The following SLC12A1 variants were observed in gnomAD, a reference collection of about 807,000 sequenced individuals.
SLC12A1 encodes the protein solute carrier family 12 member 1.
A neutral mutation model predicts 130.4 loss-of-function variants in SLC12A1; 89 were observed. The ratio of observed to expected loss-of-function variants is 0.68; its 90% CI spans 0.58 to 0.81. The LOEUF is 0.81. SLC12A1 is among the 40% of genes least tolerant of loss of function. The pLI is 0.00. For synonymous variants in SLC12A1, 499 were observed against 460.0 expected (o/e 1.08, Z -1.09); for missense variants, 1,310 against 1,336.4 (o/e 0.98, Z 0.31).
chr15:48,267,961 G>A (rs967889189), intron 18 of SLC12A1, among the ~76,000 whole-genome samples: 2 of 152,146 alleles, frequency 1.3e-5, no homozygotes, highest in Admixed American at 6.6e-5. Context: ...TTCTGCCCCC[G>A]TACTTATTGA....
intron 15 of SLC12A1, 52 bp from the exon 16 acceptor site, chr15:48,255,759 G>A: frequency 9.0e-7 from 1 of 1,117,186 alleles, no homozygotes; most frequent in Admixed American, 2.0e-5. Flanking sequence ...TATTCATGGT[G>A]CACAGAGGAA....
rs1455032287 is a variant in SLC12A1 at position 48,229,238 on chromosome 15, G to A, written c.774G>A (p.Gly258=). ...GAAGTTTAGGGCCCGAGTTCGGTGG[G>A]TCAATAGGCCTGATCTTTGCTTTTG... ...ISRSLGPEFG[G]SIGLIFAFAN... is the part of the protein sequence containing the mutation. The change falls in exon 6 of 27, where the codon GGG becomes GGA. Residue 258 remains glycine, a synonymous_variant. Transcript: ENST00000380993. 1 of 1,595,718 alleles carries A rather than the reference G, an allele frequency of 6.3e-7. No homozygotes were observed. The highest frequency in any genetic ancestry group is 8.5e-7 in the Non-Finnish European group (1 of 1,170,400).
intron 9 of SLC12A1, among the ~76,000 whole-genome samples, chr15:48,236,303 T>C (rs1194011540): frequency 6.6e-6 from 1 of 152,226 alleles, no homozygotes; most frequent in Non-Finnish European, 1.5e-5. Flanking sequence ...TAATCAGGGA[T>C]GATTTTCTCA....
intron 21 of SLC12A1, among the ~76,000 whole-genome samples, chr15:48,286,187 G>A (rs1444473310): frequency 6.6e-6 from 1 of 152,082 alleles, no homozygotes; most frequent in Non-Finnish European, 1.5e-5. Context: ...TCCTACTATA[G>A]CCCAAGGACG....
intron 17 of SLC12A1, among the ~76,000 whole-genome samples, chr15:48,260,074 G>C (rs2041754500): frequency 6.6e-6 from 1 of 152,012 alleles, no homozygotes; most frequent in Non-Finnish European, 1.5e-5. Flanking sequence ...TCGAGACCAT[G>C]ACGATCATGG....
chr15:48,209,673 C>T (rs879733668), intron 2 of SLC12A1, among the ~76,000 whole-genome samples: 1 of 152,122 alleles, frequency 6.6e-6, no homozygotes, highest in Non-Finnish European at 1.5e-5. Flanking sequence ...AGGAAAGATG[C>T]TAATAAAGGG....
At chr15:48,240,250 T>C (rs911409968) in intron 9 of SLC12A1, among the ~76,000 whole-genome samples, 3 of 151,778 alleles carry the variant, frequency 2.0e-5, no homozygotes, top group African/African-American at 7.3e-5. Context: ...TAACATGAAT[T>C]AGGGGATTCA....
chr15:48,270,830 T>G (rs1309381296), intron 19 of SLC12A1, among the ~76,000 whole-genome samples: 2 of 28,150 alleles, frequency 7.1e-5, no homozygotes, highest in African/African-American at 1.9e-4. Flanking sequence ...TATGTAATAT[T>G]TGGAGTATAC....
chr15:48,209,828 T>C (rs753181736), intron 2 of SLC12A1, among the ~76,000 whole-genome samples: 1 of 152,146 alleles, frequency 6.6e-6, no homozygotes, highest in Non-Finnish European at 1.5e-5. Context: ...CCCATGTTTT[T>C]AATTTTGTTT....
intron 16 of SLC12A1, among the ~76,000 whole-genome samples, chr15:48,257,541 A>G (rs2041721885): frequency 6.6e-6 from 1 of 152,160 alleles, no homozygotes; most frequent in African/African-American, 2.4e-5. Flanking sequence ...TCAAACCTCA[A>G]TTCTAGTCTT....
chr15:48,291,541 T>C (rs2042121462), intron 23 of SLC12A1, among the ~76,000 whole-genome samples: 1 of 152,180 alleles, frequency 6.6e-6, no homozygotes, highest in Non-Finnish European at 1.5e-5. Flanking sequence ...GATTGGCTGT[T>C]GCCAGTGTCT....
intron 20 of SLC12A1, among the ~76,000 whole-genome samples, chr15:48,279,898 G>T (rs2141104489): frequency 6.6e-6 from 1 of 152,288 alleles, no homozygotes; most frequent in Non-Finnish European, 1.5e-5. Context: ...CTGCAGGATT[G>T]CTTCCTGCCT....
chr15:48,293,783 G>A (rs539576179), intron 24 of SLC12A1, among the ~76,000 whole-genome samples: 3 of 152,234 alleles, frequency 2.0e-5, no homozygotes, highest in East Asian at 3.9e-4. Flanking sequence ...TGTGGCTCAC[G>A]CCTGTAACCT....
At chr15:48,230,235 G>GT (rs891445620) in intron 6 of SLC12A1, among the ~76,000 whole-genome samples, 158 bp from the exon 7 acceptor site, 3 of 151,982 alleles carry the variant, frequency 2.0e-5, no homozygotes, top group Non-Finnish European at 2.9e-5. Flanking sequence ...AAAATGCTAG[G>GT]TTTTTTATCT....
rs1206833624 is a variant in SLC12A1 at position 48,274,615 on chromosome 15, G to C, written c.2447G>C (p.Ser816Thr). Reference protein sequence around the residue: ...FEIGVVIVRISQGFDISQVLQ... With the variant: ...FEIGVVIVRITQGFDISQVLQ... ...ATTGGCGTGGTTATAGTCAGAATCA[G>C]CCAAGGATTTGACATCTCTCAGGTT... The change falls in exon 20 of 27, where the codon AGC becomes ACC. Residue 816 changes from serine to threonine, a missense_variant. By Grantham distance (58) the Ser-to-Thr change is moderately conservative. Coordinates refer to ENST00000380993, the MANE Select transcript of SLC12A1 (RefSeq NM_000338.3). 3 of 1,613,048 alleles carry C rather than the reference G, an allele frequency of 1.9e-6. No individual in the cohort carries two copies. In the African/African-American group the frequency reaches 4.0e-5, roughly 22 times the overall value.
chr15:48,284,729 T>A (rs865922837), intron 20 of SLC12A1, among the ~76,000 whole-genome samples: 13 of 152,100 alleles, frequency 8.5e-5, no homozygotes, highest in South Asian at 4.1e-4. Context: ...AGCCTCTACC[T>A]CCCAGGCTCA....
In SLC12A1 at chr15:48,229,345, C is replaced by T; in HGVS notation, c.864+17C>T. On this transcript the variant is annotated intron_variant, in intron 6 of 26. Transcript: ENST00000380993. ...CTTCTTAAGGTAATTAAAAGCTTTT[C>T]TTTTTTTCTGCCAAGCAGCATAATT... The T allele has an allele frequency of 6.3e-7, 1 of 1,575,376 alleles. No individual in the cohort carries two copies. Among genetic ancestry groups the T allele is most frequent in the Admixed American group, 1.9e-5 (1 of 53,704 alleles).
chr15:48,221,883 A>G (rs2041221330), intron 4 of SLC12A1, among the ~76,000 whole-genome samples: 1 of 152,228 alleles, frequency 6.6e-6, no homozygotes. Flanking sequence ...AGGTATCTCA[A>G]TTCACATTTT....
At chr15:48,232,433 A>G (rs975186080) in intron 7 of SLC12A1, among the ~76,000 whole-genome samples, 1 of 152,220 alleles carries the variant, frequency 6.6e-6, no homozygotes, top group South Asian at 2.1e-4. Context: ...CTTCCTTTAC[A>G]TTCCTGGGAC....
Sources: allele counts gnomAD v4.1 joint callset (sites outside exome capture counted in the v4.1 genomes callset), GRCh38; gene constraint gnomAD v4.1.1; transcripts MANE v1.5; gene names NCBI Gene and HGNC (gene_info 2026-07-23, HGNC 2026-07-21).